TAOK3: variants seen among roughly 807,000 people sequenced by gnomAD.
TAOK3 encodes the protein TAO kinase 3.
A neutral mutation model predicts 120.4 loss-of-function variants in TAOK3; 40 were observed. That is an observed-to-expected ratio of 0.33 (90% CI 0.26 to 0.43). TAOK3 has a LOEUF of 0.43. TAOK3 is among the 20% of genes least tolerant of loss of function. The probability of loss-of-function intolerance (pLI) is 1.00; values close to 1 mark genes in which losing one functional copy is unlikely to be tolerated. For missense variants in TAOK3, 821 were observed against 1,112.1 expected, an observed-to-expected ratio of 0.74 and a Z score of 3.72; for synonymous variants, 355 against 387.5, an observed-to-expected ratio of 0.92 and a Z score of 0.99.
chr12:118,177,939 G>A (rs1354640835), intron 15 of TAOK3, among the ~76,000 whole-genome samples: 1 of 152,148 alleles, frequency 6.6e-6, no homozygotes, highest in Non-Finnish European at 1.5e-5. Context: ...GGGATGAAAG[G>A]AGACCTAAGA....
intron 9 of TAOK3, among the ~76,000 whole-genome samples, chr12:118,231,149 C>T (rs2039762687): frequency 6.6e-6 from 1 of 152,038 alleles, no homozygotes; most frequent in Admixed American, 6.6e-5. Flanking sequence ...AGTGTATATT[C>T]ATGTTTGTTT....
chr12:118,162,156 G>C, intron 17 of TAOK3, 129 bp from the exon 18 acceptor site: 1 of 1,177,536 alleles, frequency 8.5e-7, no homozygotes. Flanking sequence ...ATTAGTGTTT[G>C]GCAGCAGGAC....
intron 3 of TAOK3, among the ~76,000 whole-genome samples, chr12:118,253,991 G>T (rs777222000): frequency 2.6e-5 from 4 of 152,126 alleles, no homozygotes; most frequent in Non-Finnish European, 4.4e-5. Context: ...GGAGGCGGAG[G>T]TTGCAGTGAG....
intron 1 of TAOK3, among the ~76,000 whole-genome samples, chr12:118,346,815 T>G (rs1252610700): frequency 6.6e-6 from 1 of 152,244 alleles, no homozygotes; most frequent in East Asian, 1.9e-4. Flanking sequence ...AGGTATTTTC[T>G]AAATCTAACT....
rs1169979700 is a variant in TAOK3 at position 118,161,217 on chromosome 12, G to A, written c.2139+571C>T. 1.3e-5 allele frequency among the ~76,000 whole-genome samples: 2 copies of A among 152,248 alleles called. No individual in the cohort carries two copies. The highest frequency in any genetic ancestry group is 2.9e-5 in the Non-Finnish European group (2 of 68,042). ...CTCCCGGATATATAGCAATGGCTTA[G>A]TACACAGAGCTTGTTAATTAGCAGT... On this transcript the variant is annotated intron_variant, in intron 18 of 20. Coordinates refer to ENST00000392533, the MANE Select transcript of TAOK3 (RefSeq NM_016281.4). This position sits in a 1 kb window ranked among gnomAD's most constrained non-coding sequence, Gnocchi z 4.5.
chr12:118,270,743 C>T (rs1593364164), intron 1 of TAOK3, among the ~76,000 whole-genome samples: 1 of 149,748 alleles, frequency 6.7e-6, no homozygotes, highest in South Asian at 2.1e-4. Context: ...GCGCCGATCT[C>T]GGTTCACTGC....
At chr12:118,201,133 A>G (rs965344918) in intron 12 of TAOK3, 163 bp downstream of exon 12, 68 of 648,526 alleles carry the variant, frequency 1.0e-4, no homozygotes, top group Non-Finnish European at 1.2e-4. Context: ...TTTGCCTTAT[A>G]TAAGTGTTAT....
At chr12:118,282,603 T>G (rs2042134207) in intron 1 of TAOK3, among the ~76,000 whole-genome samples, 1 of 152,196 alleles carries the variant, frequency 6.6e-6, no homozygotes, top group Non-Finnish European at 1.5e-5. Flanking sequence ...GTAAGATAGC[T>G]CATAGAATGA....
intron 1 of TAOK3, among the ~76,000 whole-genome samples, chr12:118,274,877 G>A (rs2041853088): frequency 6.6e-6 from 1 of 151,630 alleles, no homozygotes; most frequent in Admixed American, 6.6e-5. Context: ...CCAAAGTGCT[G>A]GGATTACAGG....
At position 118,150,393 on chromosome 12, in the gene TAOK3, A is replaced by G. The variant is rs2034304353; in HGVS notation, c.*604T>C. 7.4e-6 allele frequency: 1 copy of G among 135,598 alleles called. No homozygotes were observed. Among genetic ancestry groups the G allele is most frequent in the Non-Finnish European group, 1.6e-5 (1 of 64,228 alleles). 8.4% of individuals were successfully genotyped at this position (135,598 alleles called of 1,614,324 possible). On this transcript the variant is annotated 3_prime_UTR_variant, in exon 21 of 21. Transcript: ENST00000392533. ...TCACCCCACCCACCCCCCGTCCCCA[A>G]AAAAGTAATAATATGTCACCACTGA... is the stretch of plus-strand genomic sequence containing the variant.
At chr12:118,238,275 A>C in intron 6 of TAOK3, 106 bp from the exon 7 acceptor site, 1 of 577,132 alleles carries the variant, frequency 1.7e-6, no homozygotes, top group Non-Finnish European at 3.0e-6. Flanking sequence ...TCACATGACA[A>C]TTTGGGAACA....
Position 118,219,770 on chromosome 12 carries a change from C to CTTTT in TAOK3, c.644-5664_644-5661dup, listed in dbSNP as rs35568926. ...CCATTAAGTCCAGCTACTTTTTTGG[C>CTTTT]TTTTTTTTTTTTTTTTTTTTTTTTT... On this transcript the variant is annotated intron_variant, in intron 9 of 20. Transcript: ENST00000392533. Among the ~76,000 whole-genome samples the CTTTT allele has an allele frequency of 6.5e-4, 38 of 58,854 alleles. 3 individuals are homozygous for CTTTT. The highest frequency in any genetic ancestry group is 2.8e-4 in the African/African-American group (4 of 14,226). The allele number at this position is 58,854 out of a possible 152,430, so 38.6% of individuals were successfully genotyped here. A position where few individuals can be genotyped will look rare whatever the true frequency, so the allele number is the denominator to read the frequency against.
intron 13 of TAOK3, among the ~76,000 whole-genome samples, chr12:118,195,200 A>G (rs2037653498): frequency 6.6e-6 from 1 of 152,198 alleles, no homozygotes; most frequent in Non-Finnish European, 1.5e-5. Context: ...TACCTAAAAT[A>G]ACACTGATTC....
At chr12:118,291,638 A>G (rs1455475138) in intron 1 of TAOK3, among the ~76,000 whole-genome samples, 1 of 152,142 alleles carries the variant, frequency 6.6e-6, no homozygotes, top group African/African-American at 2.4e-5. Flanking sequence ...AAATGCCAAT[A>G]ATTTCAGAAT....
chr12:118,338,250 C>G lies in TAOK3; in HGVS notation c.-194+34398G>C, dbSNP rs556859538. ...AGATACTGAACAGAGACCCCACCTT[C>G]ACAGATGTCACAATTGTGATTATAT... On this transcript the variant is annotated intron_variant, in intron 1 of 20. Transcript: ENST00000392533. Among the ~76,000 whole-genome samples the G allele has an allele frequency of 1.5e-4, 23 of 152,244 alleles. No homozygotes were observed. In the East Asian group the frequency reaches 4.3e-3, roughly 28 times the overall value.
At chr12:118,313,492 G>A (rs2043339170) in intron 1 of TAOK3, among the ~76,000 whole-genome samples, 1 of 152,158 alleles carries the variant, frequency 6.6e-6, no homozygotes, top group Non-Finnish European at 1.5e-5. Context: ...GGCCAGGCTG[G>A]TCTCAAACTC....
intron 1 of TAOK3, among the ~76,000 whole-genome samples, chr12:118,363,034 A>AG (rs1352888287): frequency 6.0e-5 from 9 of 150,446 alleles, no homozygotes; most frequent in African/African-American, 1.9e-4. Context: ...AAAAAAAAAA[A>AG]AAAAAAAAAA....
At chr12:118,232,644 A>G (rs1321400271) in intron 9 of TAOK3, among the ~76,000 whole-genome samples, 1 of 152,162 alleles carries the variant, frequency 6.6e-6, no homozygotes, top group African/African-American at 2.4e-5. Flanking sequence ...GGTGTCTCAC[A>G]TCTATAATCC....
Position 118,266,132 on chromosome 12 carries a change from G to A in TAOK3, c.-89+523C>T, listed in dbSNP as rs541633097. On this transcript the variant is annotated intron_variant, in intron 2 of 20. Transcript: ENST00000392533. ...TTTTAACCAAATAATTCTCTATATT[G>A]TAAACTATAACTGAGAAGAAAAAAA... 2.6e-5 allele frequency among the ~76,000 whole-genome samples: 4 copies of A among 152,108 alleles called. No homozygotes were observed. In the South Asian group the frequency reaches 8.3e-4, roughly 32 times the overall value.
Sources: allele counts gnomAD v4.1 joint callset (sites outside exome capture counted in the v4.1 genomes callset), GRCh38; gene constraint gnomAD v4.1.1; non-coding constraint Gnocchi (gnomAD v3.1); transcripts MANE v1.5; gene names NCBI Gene and HGNC (gene_info 2026-07-23, HGNC 2026-07-21).